Variants in IGF1R observed in about 807,000 individuals in gnomAD.
The protein encoded by IGF1R is insulin-like growth factor 1 receptor.
In IGF1R, 44 loss-of-function variants were observed where a neutral mutation model predicts 144.6. That is an observed-to-expected ratio of 0.30 (90% CI 0.24 to 0.39). IGF1R has a LOEUF of 0.39. Among genes scored for constraint, IGF1R ranks in the 10% least tolerant of loss-of-function variants. IGF1R has a pLI of 1.00. For synonymous variants in IGF1R, 795 were observed against 722.8 expected (o/e 1.10, Z -1.60); for missense variants, 1,355 against 1,833.7 (o/e 0.74, Z 4.77).
At chr15:98,848,448 C>T (rs1596356052) in intron 2 of IGF1R, among the ~76,000 whole-genome samples, 3 of 152,312 alleles carry the variant, frequency 2.0e-5, no homozygotes, top group South Asian at 4.1e-4. Context: ...TGCCATCCTC[C>T]GCAAGCATCC....
chr15:98,873,038 A>G (rs946773700), intron 2 of IGF1R, among the ~76,000 whole-genome samples: 1 of 152,150 alleles, frequency 6.6e-6, no homozygotes, highest in Non-Finnish European at 1.5e-5. Context: ...ACCTCGCGTC[A>G]TCATGTCCTC....
In IGF1R at chr15:98,649,538, TTTTTTTTTTTTG is replaced by T; in HGVS notation, c.-43_-32del. The T allele has an allele frequency of 3.0e-6, 3 of 998,238 alleles. No individual in the cohort carries two copies. Among genetic ancestry groups the T allele is most frequent in the Non-Finnish European group, 1.5e-6 (1 of 670,940 alleles). 61.8% of individuals were successfully genotyped at this position (998,238 alleles called of 1,614,324 possible). A position where few individuals can be genotyped will look rare whatever the true frequency, so the allele number is the denominator to read the frequency against. On this transcript the variant is annotated 5_prime_UTR_variant, in exon 1 of 21. Coordinates refer to ENST00000650285, the MANE Select transcript of IGF1R (RefSeq NM_000875.5). ...TTCTTTTCTTTTCTTTTTTTTTTTT[TTTTTTTTTTTTG>T]AGAAAGGGGAATTTCATCCCAAATA...
intron 2 of IGF1R, among the ~76,000 whole-genome samples, chr15:98,857,434 G>T (rs2011888057): frequency 6.6e-6 from 1 of 152,192 alleles, no homozygotes; most frequent in African/African-American, 2.4e-5. Context: ...GGCCGGGCTG[G>T]TCTTGAACTC....
chr15:98,702,004 T>C (rs1246677251), intron 1 of IGF1R, among the ~76,000 whole-genome samples: 1 of 147,208 alleles, frequency 6.8e-6, no homozygotes, highest in East Asian at 2.0e-4. Context: ...AGCTGGTAAA[T>C]GGCACTCTGG....
At chr15:98,854,858 G>A (rs1343017536) in intron 2 of IGF1R, among the ~76,000 whole-genome samples, 1 of 152,024 alleles carries the variant, frequency 6.6e-6, no homozygotes, top group African/African-American at 2.4e-5. Context: ...GGCAGTACGA[G>A]TACCCTGGCC....
At chr15:98,864,306 C>G (rs2141590147) in intron 2 of IGF1R, among the ~76,000 whole-genome samples, 1 of 152,278 alleles carries the variant, frequency 6.6e-6, no homozygotes, top group South Asian at 2.1e-4. Flanking sequence ...AGGAGGCCCC[C>G]TATTTAATTA....
At chr15:98,667,333 T>A (rs1291962244) in intron 1 of IGF1R, among the ~76,000 whole-genome samples, 1 of 152,232 alleles carries the variant, frequency 6.6e-6, no homozygotes, top group Non-Finnish European at 1.5e-5. Context: ...TCATTTGTTT[T>A]GACAGCTCAA....
chr15:98,729,377 C>T (rs2054443204), intron 2 of IGF1R, among the ~76,000 whole-genome samples: 1 of 152,134 alleles, frequency 6.6e-6, no homozygotes, highest in Non-Finnish European at 1.5e-5. Flanking sequence ...TGGAAAGGAA[C>T]CGGAAGTGCT....
chr15:98,878,224 C>T (rs142035063), intron 2 of IGF1R, among the ~76,000 whole-genome samples: 23 of 152,346 alleles, frequency 1.5e-4, no homozygotes, highest in Non-Finnish European at 2.9e-4. Context: ...TTGGTCAAAA[C>T]AGTCCCCAGT....
chr15:98,904,487 G>C (rs1419351270), intron 5 of IGF1R, among the ~76,000 whole-genome samples: 1 of 152,196 alleles, frequency 6.6e-6, no homozygotes, highest in Admixed American at 6.5e-5. Flanking sequence ...ATCCACCCTT[G>C]CTGAACCCCT....
chr15:98,653,240 A>G (rs962511244), intron 1 of IGF1R, among the ~76,000 whole-genome samples: 6 of 152,212 alleles, frequency 3.9e-5, no homozygotes, highest in African/African-American at 4.8e-5. Context: ...CAGATTTTTG[A>G]CAATAGAAAC....
At chr15:98,865,571 G>A (rs896641463) in intron 2 of IGF1R, among the ~76,000 whole-genome samples, 1 of 152,236 alleles carries the variant, frequency 6.6e-6, no homozygotes, top group Admixed American at 6.5e-5. Flanking sequence ...AAGGGAGTGG[G>A]GCCCGGGCGT....
At chr15:98,769,987 C>CTTCG (rs2055542769) in intron 2 of IGF1R, among the ~76,000 whole-genome samples, 2 of 152,148 alleles carry the variant, frequency 1.3e-5, no homozygotes, top group South Asian at 4.1e-4. Flanking sequence ...TCTCTGTGGT[C>CTTCG]TTCGGTTGCT....
chr15:98,886,407 A>G (rs559954710), intron 2 of IGF1R, among the ~76,000 whole-genome samples: 4 of 152,334 alleles, frequency 2.6e-5, no homozygotes, highest in South Asian at 2.1e-4. Context: ...AGCTTTTCCA[A>G]CAGTTTAGAT....
At chr15:98,934,235 C>A (rs923451251) in intron 15 of IGF1R, among the ~76,000 whole-genome samples, 1 of 151,844 alleles carries the variant, frequency 6.6e-6, no homozygotes, top group East Asian at 1.9e-4. Context: ...ATAGCCCAGG[C>A]ATAGCATCTG....
chr15:98,679,715 T>C (rs1049531486), intron 1 of IGF1R, among the ~76,000 whole-genome samples: 5 of 152,166 alleles, frequency 3.3e-5, no homozygotes, highest in East Asian at 1.9e-4. Context: ...CTTATACTTA[T>C]TAAACACAAA....
In IGF1R at chr15:98,959,112, C is replaced by T. The variant is rs751376408; in HGVS notation, c.*1670C>T. On this transcript the variant is annotated 3_prime_UTR_variant, in exon 21 of 21. Coordinates refer to ENST00000650285, the MANE Select transcript of IGF1R (RefSeq NM_000875.5). ...AAAAACAAAGGTTAAATATTTCACA[C>T]GTCTTTGTTCAGTGTTTCCACTCAC... is the stretch of plus-strand genomic sequence containing the variant. 8.6e-6 allele frequency: 2 copies of T among 233,180 alleles called. No homozygotes were observed. The highest frequency in any genetic ancestry group is 2.2e-5 in the African/African-American group (1 of 45,344). 14.4% of individuals were successfully genotyped at this position (233,180 alleles called of 1,614,324 possible).
At chr15:98,701,376 A>G (rs964627277) in intron 1 of IGF1R, among the ~76,000 whole-genome samples, 19 of 123,030 alleles carry the variant, frequency 1.5e-4, no homozygotes, top group Admixed American at 8.7e-4. Flanking sequence ...TCGTTCTGTC[A>G]CCCAGGCTGG....
At chr15:98,764,746 C>T (rs2055393669) in intron 2 of IGF1R, among the ~76,000 whole-genome samples, 1 of 152,130 alleles carries the variant, frequency 6.6e-6, no homozygotes, top group African/African-American at 2.4e-5. Flanking sequence ...AAACAGGAGT[C>T]TGTTTTGGAC....
Sources: gnomAD v4.1 joint callset for allele counts (sites outside exome capture counted in the v4.1 genomes callset) on GRCh38, gnomAD v4.1.1 for gene constraint, MANE v1.5 for transcripts, NCBI Gene and HGNC (gene_info 2026-07-23, HGNC 2026-07-21) for gene names.